KCNN3: variants seen among roughly 807,000 people sequenced by gnomAD.
The protein encoded by KCNN3 is small conductance calcium-activated potassium channel protein 3.
Under a neutral mutation model 62.9 loss-of-function variants are expected in KCNN3, and 16 were observed. That is an observed-to-expected ratio of 0.25 (90% CI 0.17 to 0.39). KCNN3 has a LOEUF of 0.39. KCNN3 is among the 10% of genes least tolerant of loss of function. KCNN3 has a pLI of 1.00. For missense variants in KCNN3, 599 were observed against 949.4 expected (o/e 0.63, Z 4.85); for synonymous variants, 370 against 389.2 (o/e 0.95, Z 0.58).
At position 154,869,557 on chromosome 1, in the gene KCNN3, C is replaced by A. The variant is rs762384927; in HGVS notation, c.408G>T (p.Leu136Phe). 3 of 1,613,934 alleles carry A rather than the reference C, an allele frequency of 1.9e-6. No homozygotes were observed. Among genetic ancestry groups the A allele is most frequent in the Non-Finnish European group, 2.5e-6 (3 of 1,180,016 alleles). ...CTGTGGAACTTGGAGAGTGGCCAAG[C>A]AAGTGGTCATTGAGATTGAGCTGGC... ...QGSQLNLNDH[L>F]LGHSPSSTAT... is the part of the protein sequence containing the mutation. Residue 136 changes from leucine (L) to phenylalanine (F), a missense_variant, in exon 1 of 8, where the codon TTG (leucine) becomes TTT (phenylalanine). Around this residue, in one of 7 missense-constraint regions of KCNN3, gnomAD observed 112 missense variants for 142.9 expected, o/e 0.78. Transcript: ENST00000271915. This position sits in a 1 kb window ranked among gnomAD's most constrained non-coding sequence, Gnocchi z 6.1.
chr1:154,868,900 ATCTC>A (rs60145117), intron 1 of KCNN3, 128 bp downstream of exon 1: 61,141 of 751,860 alleles, frequency 0.081, 834 homozygotes, highest in African/African-American at 0.12. Flanking sequence ...CAATCTCTCA[ATCTC>A]TCTCTCTCTC....
Position 154,724,647 on chromosome 1 carries a change from C to G in KCNN3, c.1701+1269G>C, listed in dbSNP as rs143179557. On this transcript the variant is annotated intron_variant, in intron 5 of 7. Coordinates refer to ENST00000271915, the MANE Select transcript of KCNN3 (RefSeq NM_002249.6). ...TTGTATCTGTCTATTCTAAATGGGTCTTTTCATCTCAGACAATTCAGTGGG... is the reference window on the plus strand; with the variant it reads ...TTGTATCTGTCTATTCTAAATGGGTGTTTTCATCTCAGACAATTCAGTGGG... 4.6e-4 allele frequency among the ~76,000 whole-genome samples: 70 copies of G among 152,280 alleles called. 1 individual carries two copies. The East Asian group carries it at 0.011, about 24-fold the overall frequency.
intron 3 of KCNN3, among the ~76,000 whole-genome samples, chr1:154,744,145 C>T (rs957590427): frequency 5.3e-5 from 8 of 152,136 alleles, no homozygotes; most frequent in African/African-American, 1.9e-4. Context: ...ACCCCTATTA[C>T]AATATAAGGT....
intron 2 of KCNN3, among the ~76,000 whole-genome samples, chr1:154,821,688 G>A (rs1650906898): frequency 6.6e-6 from 1 of 152,218 alleles, no homozygotes; most frequent in Admixed American, 6.5e-5. Context: ...GGTACACAAG[G>A]CAGGTCTGCC....
At chr1:154,737,506 CT>C (rs1700736606) in intron 3 of KCNN3, among the ~76,000 whole-genome samples, 1 of 151,906 alleles carries the variant, frequency 6.6e-6, no homozygotes, top group Non-Finnish European at 1.5e-5. Flanking sequence ...AGTCAGGAGT[CT>C]CTAACATGAA....
rs552422521 is a variant in KCNN3, at chr1:154,707,740, G to A, written c.*236C>T. Reference sequence around the variant, plus strand: ...CAGCAAGGGCCCTGCCAGAGGCGTCGCTTCCTGTCATCTCCTCTTCCCGCT... The same window carrying A: ...CAGCAAGGGCCCTGCCAGAGGCGTCACTTCCTGTCATCTCCTCTTCCCGCT... On this transcript the variant is annotated 3_prime_UTR_variant, in exon 8 of 8. Coordinates refer to ENST00000271915, the MANE Select transcript of KCNN3 (RefSeq NM_002249.6). 4.0e-6 allele frequency: 2 copies of A among 505,448 alleles called. No homozygotes were observed. The highest frequency in any genetic ancestry group is 1.9e-5 in the African/African-American group (1 of 51,442). The allele number at this position is 505,448 out of a possible 1,614,324, so 31.3% of individuals were successfully genotyped here.
At chr1:154,845,977 C>A (rs1364014169) in intron 1 of KCNN3, among the ~76,000 whole-genome samples, 1 of 152,222 alleles carries the variant, frequency 6.6e-6, no homozygotes, top group African/African-American at 2.4e-5. Flanking sequence ...CCTTTCCTAC[C>A]CTTGTCAAGA....
intron 1 of KCNN3, among the ~76,000 whole-genome samples, chr1:154,826,483 C>T (rs971320620): frequency 3.3e-5 from 5 of 152,256 alleles, no homozygotes; most frequent in African/African-American, 1.2e-4. Context: ...TAACTTCTCA[C>T]CATGGCAAAG....
intron 5 of KCNN3, among the ~76,000 whole-genome samples, chr1:154,725,689 G>A (rs1247876075): frequency 2.0e-5 from 3 of 152,016 alleles, no homozygotes; most frequent in African/African-American, 7.2e-5. Flanking sequence ...GACTACAGGT[G>A]TGTGCCACCA....
intron 1 of KCNN3, among the ~76,000 whole-genome samples, chr1:154,825,261 A>G (rs1050282228): frequency 1.3e-4 from 20 of 152,204 alleles, no homozygotes; most frequent in African/African-American, 4.6e-4. Context: ...CCAGCGGTCA[A>G]CTGGTCAACC....
At chr1:154,765,190 T>C (rs1648204545) in intron 3 of KCNN3, among the ~76,000 whole-genome samples, 2 of 152,230 alleles carry the variant, frequency 1.3e-5, no homozygotes. Context: ...TCCGTTTCGA[T>C]CTGCCTACTC....
chr1:154,825,848 A>G (rs1651089949), intron 1 of KCNN3, among the ~76,000 whole-genome samples: 1 of 151,130 alleles, frequency 6.6e-6, no homozygotes, highest in African/African-American at 2.4e-5. Flanking sequence ...GGAGATCGAG[A>G]CCATCCTGGC....
chr1:154,839,082 G>C (rs1651717410), intron 1 of KCNN3, among the ~76,000 whole-genome samples: 1 of 152,158 alleles, frequency 6.6e-6, no homozygotes, highest in African/African-American at 2.4e-5. Flanking sequence ...GAGATACAGG[G>C]GACCCAAGTA....
chr1:154,792,247 A>G (rs759230559), intron 2 of KCNN3, among the ~76,000 whole-genome samples: 2 of 152,216 alleles, frequency 1.3e-5, no homozygotes, highest in Non-Finnish European at 2.9e-5. Flanking sequence ...CCCGTCTGCC[A>G]TGTTCCAACA....
chr1:154,807,209 A>G (rs2798601), intron 2 of KCNN3, among the ~76,000 whole-genome samples: 127,984 of 152,108 alleles, frequency 0.84, 53,954 homozygotes, highest in African/African-American at 0.89. Flanking sequence ...GAGAAGGTGA[A>G]ACAAGGTGGT....
intron 7 of KCNN3, among the ~76,000 whole-genome samples, chr1:154,712,317 C>T (rs1700095637): frequency 6.6e-6 from 1 of 151,968 alleles, no homozygotes; most frequent in Non-Finnish European, 1.5e-5. Flanking sequence ...GAGTTCTCTC[C>T]TGCATGCCCA....
chr1:154,827,672 G>A (rs1345182821), intron 1 of KCNN3, among the ~76,000 whole-genome samples: 1 of 152,040 alleles, frequency 6.6e-6, no homozygotes, highest in Non-Finnish European at 1.5e-5. Context: ...GGTGGTGCAA[G>A]CCTGTAGTCT....
chr1:154,708,344 T>C, intron 7 of KCNN3, 72 bp from the exon 8 acceptor site: 2 of 1,463,314 alleles, frequency 1.4e-6, no homozygotes, highest in Non-Finnish European at 1.9e-6. Context: ...ATGGGAGAAA[T>C]GAAACGCCCT....
In KCNN3 at chr1:154,702,700, G is replaced by GATAT. The variant is rs67091748; in HGVS notation, c.*5272_*5275dup. ...ACGTTGGCTGCTTCGATCTGATTCA[G>GATAT]ATATATATATATATATATATATATA... On this transcript the variant is annotated 3_prime_UTR_variant, in exon 8 of 8. Transcript: ENST00000271915. 3.3e-3 allele frequency: 143 copies of GATAT among 43,050 alleles called. No individual in the cohort carries two copies. The highest frequency in any genetic ancestry group is 5.0e-3 in the East Asian group (3 of 596). The allele number at this position is 43,050 out of a possible 1,614,324, so 2.7% of individuals were successfully genotyped here. A position where few individuals can be genotyped will look rare whatever the true frequency, so the allele number is the denominator to read the frequency against.
Sources: allele counts gnomAD v4.1 joint callset (sites outside exome capture counted in the v4.1 genomes callset), GRCh38; gene constraint gnomAD v4.1.1; regional missense constraint gnomAD v4.1.1; non-coding constraint Gnocchi (gnomAD v3.1); transcripts MANE v1.5; gene names NCBI Gene and HGNC (gene_info 2026-07-23, HGNC 2026-07-21).